The following ATAD2 variants were observed in gnomAD, a reference collection of about 807,000 sequenced individuals.
ATAD2 encodes ATPase family AAA domain-containing protein 2.
In ATAD2, 62 loss-of-function variants were observed where a neutral mutation model predicts 168.9. That is an observed-to-expected ratio of 0.37 (90% CI 0.30 to 0.45). The LOEUF is 0.45. ATAD2 is among the 20% of genes least tolerant of loss of function. The probability of loss-of-function intolerance (pLI) is 1.00; values close to 1 mark genes in which losing one functional copy is unlikely to be tolerated. For missense variants in ATAD2, 1,419 were observed against 1,667.8 expected, an observed-to-expected ratio of 0.85 and a Z score of 2.60; for synonymous variants, 613 against 571.6, an observed-to-expected ratio of 1.07 and a Z score of -1.03.
At position 123,344,874 on chromosome 8, in the gene ATAD2, C is replaced by T. The variant is rs1468278149; in HGVS notation, c.2718+10G>A. The T allele has an allele frequency of 2.6e-5, 42 of 1,613,228 alleles. No individual in the cohort carries two copies. The highest frequency in any genetic ancestry group is 3.6e-5 in the Non-Finnish European group (42 of 1,179,212). ...TTGAAAGTATAATGATACCGCCCCA[C>T]ATAAATTACCTCTTCTGGCAAAGCG... is the stretch of plus-strand genomic sequence containing the variant. On this transcript the variant is annotated intron_variant, in intron 19 of 27. Transcript: ENST00000287394.
At chr8:123,413,701 G>T (rs1019516090) in intron 1 of ATAD2, among the ~76,000 whole-genome samples, 1 of 152,038 alleles carries the variant, frequency 6.6e-6, no homozygotes, top group Non-Finnish European at 1.5e-5. Flanking sequence ...GCATGCTACT[G>T]CTTTTCAAGA....
In ATAD2 at chr8:123,347,305, A is replaced by G; in HGVS notation, c.1999T>C (p.Leu667=). ...QIYTTSEKLQ[L]DLSSINISAK... ...GAGATATTAATTGAAGAGAGATCCA[A>G]CTGCAGTTTCTCACTAGTGGTATAG... is the stretch of plus-strand genomic sequence containing the variant. The change falls in exon 16 of 28, where the codon TTG becomes CTG. Residue 667 remains leucine, a synonymous_variant. Coordinates refer to ENST00000287394, the MANE Select transcript of ATAD2 (RefSeq NM_014109.4). 1 of 1,614,008 alleles carries G rather than the reference A, an allele frequency of 6.2e-7. No individual in the cohort carries two copies. Among genetic ancestry groups the G allele is most frequent in the Non-Finnish European group, 8.5e-7 (1 of 1,180,008 alleles).
Position 123,333,917 on chromosome 8 carries a change from G to C in ATAD2, c.3439C>G (p.Leu1147Val). 6.2e-7 allele frequency: 1 copy of C among 1,614,108 alleles called. No individual in the cohort carries two copies. Among genetic ancestry groups the C allele is most frequent in the East Asian group, 2.2e-5 (1 of 44,876 alleles). The stretch of plus-strand genomic sequence containing the variant: ...GCCACAGGAGTACTCGGTGTCTTTA[G>C]CTTTTCATTCTGCTCTGGGTCTGAT... ...KRSDPEQNEK[L>V]KTPSTPVACS... The change falls in exon 24 of 28, where the codon CTA (leucine) becomes GTA (valine). Residue 1147 changes from leucine to valine, a missense_variant. Coordinates refer to ENST00000287394, the MANE Select transcript of ATAD2 (RefSeq NM_014109.4).
intron 2 of ATAD2, among the ~76,000 whole-genome samples, chr8:123,374,312 C>T (rs1829242157): frequency 6.6e-6 from 1 of 152,168 alleles, no homozygotes. Flanking sequence ...AAGATTGCAC[C>T]ACTACATTCC....
intron 1 of ATAD2, among the ~76,000 whole-genome samples, chr8:123,404,450 A>G (rs1051959557): frequency 1.1e-4 from 16 of 151,808 alleles, no homozygotes; most frequent in Non-Finnish European, 1.9e-4. Context: ...TCTGCTGACA[A>G]CCTTCGGAGT....
intron 1 of ATAD2, among the ~76,000 whole-genome samples, chr8:123,394,445 A>G (rs1321030012): frequency 2.0e-5 from 3 of 152,134 alleles, no homozygotes; most frequent in Non-Finnish European, 4.4e-5. Flanking sequence ...CCTGGCCAAC[A>G]TACAGAAACC....
chr8:123,376,826 C>T (rs1419754306), intron 2 of ATAD2, among the ~76,000 whole-genome samples: 3 of 151,592 alleles, frequency 2.0e-5, no homozygotes, highest in Admixed American at 6.6e-5. Context: ...GGTGTGGTGG[C>T]TCACGCCTGT....
intron 1 of ATAD2, among the ~76,000 whole-genome samples, chr8:123,395,632 T>G (rs943576718): frequency 1.5e-4 from 23 of 152,188 alleles, no homozygotes; most frequent in African/African-American, 5.5e-4. Flanking sequence ...GGGGCGTACA[T>G]GAAATGTTGG....
chr8:123,412,016 G>C (rs1563874274), intron 1 of ATAD2, among the ~76,000 whole-genome samples: 1 of 152,202 alleles, frequency 6.6e-6, no homozygotes, highest in South Asian at 2.1e-4. Flanking sequence ...TGTGAGCAGA[G>C]TGATGTGCAT....
intron 11 of ATAD2, 45 bp from the exon 12 acceptor site, chr8:123,357,781 A>G: frequency 6.6e-7 from 1 of 1,507,786 alleles, no homozygotes; most frequent in Non-Finnish European, 8.9e-7. Flanking sequence ...TTTAAAAAGC[A>G]GACTTTTAAA....
chr8:123,372,619 G>A lies in ATAD2; in HGVS notation c.370+18C>T. On this transcript the variant is annotated intron_variant, in intron 3 of 27. Transcript: ENST00000287394. Reference sequence around the variant, plus strand: ...AATTACACATTTTAAGATCTGAAATGACTTTAACAGTACTTACCTTCTCTG... The same window carrying A: ...AATTACACATTTTAAGATCTGAAATAACTTTAACAGTACTTACCTTCTCTG... The A allele has an allele frequency of 6.5e-7, 1 of 1,544,552 alleles. No homozygotes were observed. The highest frequency in any genetic ancestry group is 2.3e-5 in the East Asian group (1 of 42,950).
chr8:123,381,068 C>G (rs1197180719), intron 1 of ATAD2, among the ~76,000 whole-genome samples: 4 of 152,180 alleles, frequency 2.6e-5, no homozygotes, highest in Non-Finnish European at 5.9e-5. Context: ...CACCAAAATA[C>G]TGTCACCTAA....
At chr8:123,346,468 G>A in intron 17 of ATAD2, 150 bp downstream of exon 17, 1 of 987,736 alleles carries the variant, frequency 1.0e-6, no homozygotes, top group East Asian at 2.8e-5. Context: ...AATTTCTACT[G>A]TTGTGACAAC....
At chr8:123,352,055 CTG>C (rs1228735838) in intron 13 of ATAD2, 2 of 152,388 alleles carry the variant, frequency 1.3e-5, no homozygotes, top group African/African-American at 4.8e-5. Flanking sequence ...GCCCTAAAAA[CTG>C]ATGATTTTTA....
chr8:123,376,405 T>TA (rs549730534), intron 2 of ATAD2, among the ~76,000 whole-genome samples: 7 of 144,484 alleles, frequency 4.8e-5, no homozygotes, highest in South Asian at 2.2e-4. Context: ...AAACTCTGTC[T>TA]AAAAAAAAAA....
intron 19 of ATAD2, among the ~76,000 whole-genome samples, chr8:123,343,672 G>GTTAT (rs1225486334): frequency 6.6e-6 from 1 of 152,100 alleles, no homozygotes; most frequent in South Asian, 2.1e-4. Context: ...TGTGCTCTAT[G>GTTAT]GACACAAAGG....
At chr8:123,378,841 A>G (rs1829405184) in intron 2 of ATAD2, among the ~76,000 whole-genome samples, 2 of 150,666 alleles carry the variant, frequency 1.3e-5, no homozygotes, top group Admixed American at 1.3e-4. Flanking sequence ...ACAGGGTCTC[A>G]CTCTCAGTGG....
chr8:123,400,931 T>C (rs1346418125), upstream of ATAD2: 5 of 1,398,088 alleles, frequency 3.6e-6, no homozygotes, highest in Non-Finnish European at 4.0e-6. This position sits in a 1 kb window ranked among gnomAD's most constrained non-coding sequence, Gnocchi z 4.5. Flanking sequence ...ACGGACCCCA[T>C]GGTGCTGAGC....
intron 1 of ATAD2, among the ~76,000 whole-genome samples, chr8:123,415,677 C>T (rs953432622): frequency 2.0e-5 from 3 of 152,264 alleles, no homozygotes; most frequent in African/African-American, 7.2e-5. Context: ...TCACTGCAAC[C>T]TCCGCCTCCC....
Sources: gnomAD v4.1 joint callset for allele counts (sites outside exome capture counted in the v4.1 genomes callset) on GRCh38, gnomAD v4.1.1 for gene constraint, Gnocchi (gnomAD v3.1) non-coding constraint, MANE v1.5 for transcripts, NCBI Gene and HGNC (gene_info 2026-07-23, HGNC 2026-07-21) for gene names.